NELL1: variants seen among roughly 807,000 people sequenced by gnomAD.
NELL1 encodes protein kinase C-binding protein NELL1.
A neutral mutation model predicts 107.4 loss-of-function variants in NELL1; 76 were observed. The observed-to-expected ratio is 0.71, with a 90% confidence interval of 0.59 to 0.86. NELL1 has a LOEUF of 0.86. NELL1 is among the 40% of genes least tolerant of loss of function. The pLI is 0.00. For synonymous variants in NELL1, 353 were observed against 341.2 expected (o/e 1.03, Z -0.38); for missense variants, 1,024 against 1,005.5 (o/e 1.02, Z -0.25).
At chr11:20,962,037 A>G (rs898998899) in intron 12 of NELL1, among the ~76,000 whole-genome samples, 9 of 151,878 alleles carry the variant, frequency 5.9e-5, no homozygotes, top group South Asian at 2.1e-4. Flanking sequence ...TTCTAATAAT[A>G]TATAATAATT....
At chr11:21,178,252 G>A (rs1856752061) in intron 13 of NELL1, among the ~76,000 whole-genome samples, 1 of 151,582 alleles carries the variant, frequency 6.6e-6, no homozygotes, top group Admixed American at 6.6e-5. Flanking sequence ...GGCCTCACCT[G>A]AGGCTGCTAA....
chr11:21,383,019 G>C (rs1391765105), intron 15 of NELL1, among the ~76,000 whole-genome samples: 1 of 151,934 alleles, frequency 6.6e-6, no homozygotes, highest in African/African-American at 2.4e-5. Context: ...CTAGCCATAA[G>C]TCTTTGTATC....
chr11:21,100,651 A>T (rs1185148973), intron 12 of NELL1, among the ~76,000 whole-genome samples: 1 of 152,174 alleles, frequency 6.6e-6, no homozygotes, highest in African/African-American at 2.4e-5. Context: ...CTTGTACACC[A>T]ATGTTGCAGC....
intron 14 of NELL1, among the ~76,000 whole-genome samples, chr11:21,259,093 C>T (rs563675330): frequency 3.3e-5 from 5 of 151,770 alleles, no homozygotes; most frequent in East Asian, 2.0e-4. Flanking sequence ...CCTATAGAAG[C>T]GGGAGGGGGG....
intron 12 of NELL1, among the ~76,000 whole-genome samples, chr11:21,079,492 C>A (rs938823795): frequency 2.0e-5 from 3 of 152,016 alleles, no homozygotes; most frequent in Non-Finnish European, 2.9e-5. Context: ...AAACACTAGT[C>A]ATGTTTGTAA....
chr11:20,776,377 T>C (rs1290535401), intron 2 of NELL1, among the ~76,000 whole-genome samples: 3 of 151,912 alleles, frequency 2.0e-5, no homozygotes, highest in Non-Finnish European at 4.4e-5. Context: ...AGGTGGAGGT[T>C]GCAGTGAGCC....
rs199714493 is a variant in NELL1 at position 21,560,281 on chromosome 11, G to C, written c.1879G>C (p.Gly627Arg). ...AGGFDCLCPS[G>R]PSCSGDCPHE... ...GGGCTTTGACTGTCTCTGCCCCTCTGGGCCCTCCTGCTCTGGTGACTGTCC... is the reference window on the plus strand; with the variant it reads ...GGGCTTTGACTGTCTCTGCCCCTCTCGGCCCTCCTGCTCTGGTGACTGTCC... Residue 627 changes from glycine to arginine, a missense_variant, in exon 17 of 20, where the codon GGG (glycine) becomes CGG (arginine). By Grantham distance (125) the Gly-to-Arg change is moderately radical. Coordinates refer to ENST00000357134, the MANE Select transcript of NELL1 (RefSeq NM_006157.5). The C allele has an allele frequency of 5.6e-5, 91 of 1,613,380 alleles. No homozygotes were observed. Among genetic ancestry groups the C allele is most frequent in the Non-Finnish European group, 7.7e-5 (91 of 1,179,682 alleles).
intron 5 of NELL1, among the ~76,000 whole-genome samples, chr11:20,899,867 T>C (rs1849834031): frequency 6.7e-6 from 1 of 148,672 alleles, no homozygotes; most frequent in East Asian, 2.0e-4. Context: ...GACAGTTTTC[T>C]AAAGCTACAT....
At chr11:21,307,892 T>G (rs912049432) in intron 14 of NELL1, among the ~76,000 whole-genome samples, 3 of 152,072 alleles carry the variant, frequency 2.0e-5, no homozygotes, top group Non-Finnish European at 4.4e-5. Context: ...GAGTTAATTT[T>G]TTAAAAATTA....
intron 12 of NELL1, among the ~76,000 whole-genome samples, chr11:21,082,860 G>A (rs1174824126): frequency 2.0e-5 from 3 of 152,150 alleles, no homozygotes; most frequent in Non-Finnish European, 4.4e-5. Context: ...TTTAAGGTGC[G>A]AAAACATACA....
intron 6 of NELL1, among the ~76,000 whole-genome samples, chr11:20,919,034 A>G (rs1850320690): frequency 6.6e-6 from 1 of 151,914 alleles, no homozygotes; most frequent in African/African-American, 2.4e-5. Context: ...CTTTCTTTTT[A>G]GTTAACAATG....
chr11:21,296,511 A>G (rs562140891), intron 14 of NELL1, among the ~76,000 whole-genome samples: 3 of 152,092 alleles, frequency 2.0e-5, no homozygotes, highest in African/African-American at 7.2e-5. Context: ...GTAAATCTTG[A>G]AAAAATACAA....
intron 13 of NELL1, among the ~76,000 whole-genome samples, chr11:21,154,227 A>G (rs1856181524): frequency 6.6e-6 from 1 of 152,146 alleles, no homozygotes; most frequent in South Asian, 2.1e-4. Flanking sequence ...GGGATAGATT[A>G]TTTTCAAGAC....
chr11:20,936,101 G>T (rs1371365092), intron 9 of NELL1, among the ~76,000 whole-genome samples: 1 of 152,166 alleles, frequency 6.6e-6, no homozygotes, highest in African/African-American at 2.4e-5. Flanking sequence ...GAAGGAAGAA[G>T]AATTGGGCAG....
chr11:20,999,545 G>C lies in NELL1; in HGVS notation c.1300+38985G>C, dbSNP rs79605622. Reference sequence around the variant, plus strand: ...CCTACTAAAAATGTGTGACCAGTTTGAATTTCCTTTGATCACATGCTGTTT... The same window carrying C: ...CCTACTAAAAATGTGTGACCAGTTTCAATTTCCTTTGATCACATGCTGTTT... On this transcript the variant is annotated intron_variant, in intron 12 of 19. Transcript: ENST00000357134. Among the ~76,000 whole-genome samples the C allele has an allele frequency of 5.4e-4, 82 of 152,302 alleles. No individual in the cohort carries two copies. The East Asian group carries it at 0.016, about 29-fold the overall frequency.
chr11:21,450,971 A>C (rs1853563760), intron 15 of NELL1, among the ~76,000 whole-genome samples: 1 of 151,942 alleles, frequency 6.6e-6, no homozygotes, highest in African/African-American at 2.4e-5. Context: ...CGGGCGGATC[A>C]TGAGGTCAGG....
At chr11:21,105,979 T>C (rs1280549482) in intron 12 of NELL1, among the ~76,000 whole-genome samples, 1 of 140,460 alleles carries the variant, frequency 7.1e-6, no homozygotes, top group Non-Finnish European at 1.5e-5. Context: ...CTTTCATCTT[T>C]CTTCTTTCTC....
Position 21,573,282 on chromosome 11 carries a change from A to T in NELL1, c.2255A>T (p.Asp752Val). 6.2e-7 allele frequency: 1 copy of T among 1,612,510 alleles called. No homozygotes were observed. The highest frequency in any genetic ancestry group is 8.5e-7 in the Non-Finnish European group (1 of 1,179,072). ...EGECCPRCVS[D>V]PCLADNITYD... ...GAATGTTGTCCCCGCTGTGTCAGTG[A>T]CCCCTGCCTAGCTGATAACATCACC... is the stretch of plus-strand genomic sequence containing the variant. The change falls in exon 19 of 20, where the codon GAC becomes GTC. Residue 752 changes from aspartate (D) to valine (V), a missense_variant. Transcript: ENST00000357134.
intron 14 of NELL1, among the ~76,000 whole-genome samples, chr11:21,346,847 T>C (rs1489362988): frequency 6.6e-6 from 1 of 152,104 alleles, no homozygotes; most frequent in Non-Finnish European, 1.5e-5. Flanking sequence ...CTTCTAACTC[T>C]ACTCAAAAGC....
Sources: allele counts gnomAD v4.1 joint callset (sites outside exome capture counted in the v4.1 genomes callset), GRCh38; gene constraint gnomAD v4.1.1; transcripts MANE v1.5; gene names NCBI Gene and HGNC (gene_info 2026-07-23, HGNC 2026-07-21).